RALGPS1: variants seen among roughly 807,000 people sequenced by gnomAD.
RALGPS1 encodes the protein ras-specific guanine nucleotide-releasing factor RalGPS1.
RALGPS1 carries 19 observed loss-of-function variants against 78.8 expected under a neutral mutation model. The ratio of observed to expected loss-of-function variants is 0.24; its 90% confidence interval spans 0.17 to 0.35. RALGPS1 has a LOEUF of 0.35. Among genes scored for constraint, RALGPS1 ranks in the 10% least tolerant of loss-of-function variants. The probability of loss-of-function intolerance (pLI) is 1.00; values close to 1 mark genes in which losing one functional copy is unlikely to be tolerated. For synonymous variants in RALGPS1, 228 were observed against 256.3 expected (o/e 0.89, Z 1.06); for missense variants, 454 against 688.3 (o/e 0.66, Z 3.81).
rs141259785 is a variant in RALGPS1, at chr9:127,020,768, G to A, written c.217-13663G>A. On this transcript the variant is annotated intron_variant, in intron 4 of 18. Coordinates refer to ENST00000259351, the MANE Select transcript of RALGPS1 (RefSeq NM_014636.3). ...TAGCTACCGGCCATGGATGTGCTCT[G>A]TGGCTGAGGGTCCAGGCTCCAGAGG... is the stretch of plus-strand genomic sequence containing the variant. Among the ~76,000 whole-genome samples the A allele has an allele frequency of 1.8e-4, 28 of 152,366 alleles. No individual in the cohort carries two copies. The East Asian group carries it at 4.2e-3, about 23-fold the overall frequency.
rs79196031 is a variant in RALGPS1 at position 127,092,048 on chromosome 9, G to C, written c.610+22692G>C. ...GATAGAGGGGCCTGGGAAACAAGCA[G>C]AGCATGAAGCAGACCTGGTTCAGAC... On this transcript the variant is annotated intron_variant, in intron 8 of 18. Coordinates refer to ENST00000259351, the MANE Select transcript of RALGPS1 (RefSeq NM_014636.3). 8,797 of 1,401,988 alleles carry C rather than the reference G, an allele frequency of 6.3e-3. 295 individuals carry two copies. In the East Asian group the frequency reaches 0.083, roughly 13 times the overall value. 86.8% of individuals were successfully genotyped at this position (1,401,988 alleles called of 1,614,324 possible).
chr9:126,957,208 G>A (rs2038428237), intron 1 of RALGPS1, among the ~76,000 whole-genome samples: 2 of 152,258 alleles, frequency 1.3e-5, no homozygotes, highest in African/African-American at 2.4e-5. Flanking sequence ...AGTGGGTAGC[G>A]TGGTGGTGCC....
At chr9:127,202,312 G>A (rs2061677798) in intron 14 of RALGPS1, among the ~76,000 whole-genome samples, 1 of 152,182 alleles carries the variant, frequency 6.6e-6, no homozygotes, top group Non-Finnish European at 1.5e-5. Flanking sequence ...TGCCCGTCTG[G>A]TGAATTTGCC....
rs2062810472 is a variant in RALGPS1, at chr9:127,222,869, C to G, written c.*4100C>G. The G allele has an allele frequency of 6.6e-6, 1 of 152,564 alleles. No individual in the cohort carries two copies. The highest frequency in any genetic ancestry group is 1.5e-5 in the Non-Finnish European group (1 of 68,032). The allele number at this position is 152,564 out of a possible 1,614,324, so 9.5% of individuals were successfully genotyped here. A position where few individuals can be genotyped will look rare whatever the true frequency, so the allele number is the denominator to read the frequency against. On this transcript the variant is annotated 3_prime_UTR_variant, in exon 19 of 19. Coordinates refer to ENST00000259351, the MANE Select transcript of RALGPS1 (RefSeq NM_014636.3). ...TCAGTTTCTACATTTTAATTCGTTT[C>G]CTGTTAAATCTGTTGCACTCTCCTG...
chr9:127,070,386 C>CT lies in RALGPS1; in HGVS notation c.610+1033dup, dbSNP rs2050091251. ...TCAATGAACGTCCTTATTGCAAAAA[C>CT]TTTCTACATGTAGTTATGATTATTA... On this transcript the variant is annotated intron_variant, in intron 8 of 18. Coordinates refer to ENST00000259351, the MANE Select transcript of RALGPS1 (RefSeq NM_014636.3). Among the ~76,000 whole-genome samples the CT allele has an allele frequency of 2.6e-5, 4 of 152,316 alleles. No individual in the cohort carries two copies. The South Asian group carries it at 8.3e-4, about 32-fold the overall frequency.
At chr9:127,009,033 G>A (rs897710610) in intron 4 of RALGPS1, among the ~76,000 whole-genome samples, 1 of 152,302 alleles carries the variant, frequency 6.6e-6, no homozygotes, top group East Asian at 1.9e-4. Context: ...GATCCTAGAG[G>A]CTTATTTTTG....
chr9:127,189,022 A>C (rs1179904296), intron 11 of RALGPS1, among the ~76,000 whole-genome samples: 1 of 146,294 alleles, frequency 6.8e-6, no homozygotes, highest in Non-Finnish European at 1.5e-5. Flanking sequence ...AAAAAAAAAA[A>C]AAAAACCCCA....
At chr9:127,198,784 C>T (rs1003636464) in intron 13 of RALGPS1, among the ~76,000 whole-genome samples, 3 of 152,114 alleles carry the variant, frequency 2.0e-5, no homozygotes, top group African/African-American at 2.4e-5. Flanking sequence ...CTGTGGCCCC[C>T]GGGGGCAGTG....
chr9:127,141,542 G>T (rs1427621687), intron 8 of RALGPS1, among the ~76,000 whole-genome samples: 1 of 144,382 alleles, frequency 6.9e-6, no homozygotes, highest in African/African-American at 2.6e-5. Flanking sequence ...CCAGACTTTG[G>T]ATTTCATGGG....
intron 12 of RALGPS1, among the ~76,000 whole-genome samples, chr9:127,195,739 C>T (rs935842208): frequency 2.0e-5 from 3 of 152,120 alleles, no homozygotes; most frequent in East Asian, 1.9e-4. Flanking sequence ...CACAGGCTTC[C>T]GAACAGATGA....
intron 1 of RALGPS1, among the ~76,000 whole-genome samples, chr9:126,928,599 T>A (rs150976962): frequency 1.3e-3 from 195 of 152,270 alleles, no homozygotes; most frequent in African/African-American, 3.9e-3. Context: ...GATACTTTTT[T>A]TTTTTATTTT....
chr9:127,017,730 T>C (rs528659313), intron 4 of RALGPS1, among the ~76,000 whole-genome samples: 2 of 152,308 alleles, frequency 1.3e-5, no homozygotes, highest in South Asian at 2.1e-4. Context: ...TTCTATAAGA[T>C]TTTTTTGTAT....
rs112091673 is a variant in RALGPS1, at chr9:127,196,352, G to A, written c.1038-122G>A. 282 of 1,090,880 alleles carry A rather than the reference G, an allele frequency of 2.6e-4. 5 individuals are homozygous for A. In the African/African-American group the frequency reaches 3.4e-3, roughly 13 times the overall value. The allele number at this position is 1,090,880 out of a possible 1,614,324, so 67.6% of individuals were successfully genotyped here. ...GAGAGGACAGAGCCTGGGCTGTACC[G>A]TGGCTCTGGGTGGAGGCCTTTTTCC... is the stretch of plus-strand genomic sequence containing the variant. On this transcript the variant is annotated intron_variant, in intron 12 of 18. Coordinates refer to ENST00000259351, the MANE Select transcript of RALGPS1 (RefSeq NM_014636.3).
At chr9:127,092,026 A>G (rs1462754114) in intron 8 of RALGPS1, 1 of 1,520,138 alleles carries the variant, frequency 6.6e-7, no homozygotes, top group Non-Finnish European at 8.9e-7. Flanking sequence ...AGCCCTGGAT[A>G]GAGGGGCCTG....
chr9:127,135,443 A>G lies in RALGPS1; in HGVS notation c.611-30626A>G, dbSNP rs2057325275. Among the ~76,000 whole-genome samples, 4 of 152,130 alleles carry G rather than the reference A, an allele frequency of 2.6e-5. No homozygotes were observed. The South Asian group carries it at 8.3e-4, about 31-fold the overall frequency. On this transcript the variant is annotated intron_variant, in intron 8 of 18. Coordinates refer to ENST00000259351, the MANE Select transcript of RALGPS1 (RefSeq NM_014636.3). ...AGGTGGCTGCTGTACCAAGCAAGGG[A>G]CAACCAGCCCAGAGCAGGGGCCAGG... is the stretch of plus-strand genomic sequence containing the variant.
intron 8 of RALGPS1, among the ~76,000 whole-genome samples, chr9:127,118,396 A>T (rs746219741): frequency 1.3e-4 from 20 of 152,130 alleles, no homozygotes; most frequent in Admixed American, 3.9e-4. Context: ...TGGCTGAATA[A>T]CTCTTCTATT....
chr9:127,047,282 C>G (rs2047886021), intron 5 of RALGPS1, among the ~76,000 whole-genome samples: 1 of 152,176 alleles, frequency 6.6e-6, no homozygotes, highest in Admixed American at 6.5e-5. Context: ...GATGATACTT[C>G]TCTATGATGA....
chr9:127,185,787 C>G (rs2060605580), intron 11 of RALGPS1, among the ~76,000 whole-genome samples: 1 of 152,142 alleles, frequency 6.6e-6, no homozygotes, highest in South Asian at 2.1e-4. Flanking sequence ...ACTCATCTTT[C>G]TAATCCAGTG....
chr9:127,216,527 T>C (rs571590910), intron 18 of RALGPS1, among the ~76,000 whole-genome samples: 3 of 152,220 alleles, frequency 2.0e-5, no homozygotes, highest in Non-Finnish European at 2.9e-5. Flanking sequence ...TGATAGTTAT[T>C]AGAAAGAGGC....
Sources: allele counts gnomAD v4.1 joint callset (sites outside exome capture counted in the v4.1 genomes callset), GRCh38; gene constraint gnomAD v4.1.1; transcripts MANE v1.5; gene names NCBI Gene and HGNC (gene_info 2026-07-23, HGNC 2026-07-21).